The following ASTN2 variants were observed in gnomAD, a reference collection of about 807,000 sequenced individuals.
ASTN2 encodes the protein astrotactin-2.
ASTN2 carries 54 observed loss-of-function variants against 139.8 expected under a neutral mutation model. The ratio of observed to expected loss-of-function variants is 0.39; its 90% CI spans 0.31 to 0.48. The LOEUF is 0.48. Among genes scored for constraint, ASTN2 ranks in the 20% least tolerant of loss-of-function variants. The pLI is 0.95. For synonymous variants in ASTN2, 756 were observed against 719.5 expected (o/e 1.05, Z -0.81); for missense variants, 1,565 against 1,725.1 (o/e 0.91, Z 1.64).
At chr9:117,132,984 T>C (rs1379395912) in intron 4 of ASTN2, among the ~76,000 whole-genome samples, 1 of 152,140 alleles carries the variant, frequency 6.6e-6, no homozygotes. Flanking sequence ...GGATGAATAA[T>C]ATCCCCAGGA....
At chr9:116,771,007 C>T (rs1179520963) in intron 13 of ASTN2, among the ~76,000 whole-genome samples, 1 of 152,220 alleles carries the variant, frequency 6.6e-6, no homozygotes, top group Non-Finnish European at 1.5e-5. Flanking sequence ...AAACCATTTA[C>T]TGTCTTATGT....
chr9:116,626,913 G>T (rs1856495868), intron 17 of ASTN2, among the ~76,000 whole-genome samples: 2 of 152,140 alleles, frequency 1.3e-5, no homozygotes, highest in African/African-American at 4.8e-5. Context: ...ATCTACCTGG[G>T]CCATCTGCCA....
chr9:116,764,326 T>G (rs1181526498), intron 13 of ASTN2, among the ~76,000 whole-genome samples: 1 of 152,190 alleles, frequency 6.6e-6, no homozygotes, highest in Non-Finnish European at 1.5e-5. Context: ...TATCAAGATC[T>G]AAATGTCTTA....
At chr9:116,898,051 T>TA (rs1564329474) in intron 10 of ASTN2, among the ~76,000 whole-genome samples, 1 of 152,050 alleles carries the variant, frequency 6.6e-6, no homozygotes, top group African/African-American at 2.4e-5. Flanking sequence ...TAAGTGAACT[T>TA]AAAAAAAGAG....
intron 19 of ASTN2, among the ~76,000 whole-genome samples, chr9:116,560,974 T>C (rs1356820690): frequency 2.6e-5 from 4 of 152,206 alleles, no homozygotes; most frequent in Non-Finnish European, 5.9e-5. Context: ...ACATGTGTTG[T>C]TATGCTAGGA....
chr9:116,820,795 G>A lies in ASTN2; in HGVS notation c.2041-12C>T. ...AGCTCCTCAGGGCACTGCTCAGAGA[G>A]AGGGCAACAGGGTAGTTATGGCTTG... On this transcript the variant is annotated splice_polypyrimidine_tract_variant and intron_variant, in intron 11 of 22. Coordinates refer to ENST00000313400, the MANE Select transcript of ASTN2 (RefSeq NM_001365068.1). 1 of 1,608,036 alleles carries A rather than the reference G, an allele frequency of 6.2e-7. No homozygotes were observed. Among genetic ancestry groups the A allele is most frequent in the South Asian group, 1.1e-5 (1 of 90,466 alleles).
At chr9:116,429,743 G>C (rs898487653) in intron 22 of ASTN2, among the ~76,000 whole-genome samples, 1 of 152,146 alleles carries the variant, frequency 6.6e-6, no homozygotes, top group Non-Finnish European at 1.5e-5. Context: ...AGTGACAAGA[G>C]ACAGGCAGAC....
intron 13 of ASTN2, among the ~76,000 whole-genome samples, chr9:116,759,619 A>G (rs1336773794): frequency 6.6e-6 from 1 of 152,134 alleles, no homozygotes. Context: ...TACTTCATTC[A>G]TGCCTCTGCT....
Position 117,149,228 on chromosome 9 carries a change from C to T in ASTN2, c.1016-7750G>A, listed in dbSNP as rs548379832. ...AGAGACAGGGTTTCACCATGTTGGC[C>T]GGGCTGGTCTCGAACTCTTGACCTC... On this transcript the variant is annotated intron_variant, in intron 3 of 22. Transcript: ENST00000313400. Among the ~76,000 whole-genome samples, 21 of 152,064 alleles carry T rather than the reference C, an allele frequency of 1.4e-4. No individual in the cohort carries two copies. The South Asian group carries it at 1.7e-3, about 12-fold the overall frequency.
intron 19 of ASTN2, among the ~76,000 whole-genome samples, chr9:116,616,780 GACACAC>G (rs59771463): frequency 6.0e-5 from 9 of 149,578 alleles, no homozygotes; most frequent in Admixed American, 1.3e-4. Context: ...GAAGGACAAA[GACACAC>G]ACACACACAC....
intron 3 of ASTN2, among the ~76,000 whole-genome samples, chr9:117,176,435 C>T (rs139724634): frequency 1.8e-3 from 279 of 152,054 alleles, no homozygotes; most frequent in African/African-American, 6.4e-3. Context: ...GTAAAAAAAT[C>T]CGATGTATAC....
intron 20 of ASTN2, among the ~76,000 whole-genome samples, chr9:116,457,344 T>C (rs908777060): frequency 4.6e-5 from 7 of 151,346 alleles, no homozygotes; most frequent in Non-Finnish European, 1.0e-4. Context: ...AAGAAAAAAA[T>C]GAACAAATGG....
chr9:117,250,597 C>G (rs1254784726), intron 2 of ASTN2, among the ~76,000 whole-genome samples: 1 of 152,168 alleles, frequency 6.6e-6, no homozygotes, highest in African/African-American at 2.4e-5. Context: ...CAATGAAGCA[C>G]CTACTATTAG....
At chr9:116,480,295 G>C (rs1292023070) in intron 20 of ASTN2, among the ~76,000 whole-genome samples, 1 of 152,168 alleles carries the variant, frequency 6.6e-6, no homozygotes, top group Non-Finnish European at 1.5e-5. Context: ...CAGATGTAGA[G>C]ATACAGTACT....
At chr9:117,266,012 G>T (rs914561549) in intron 2 of ASTN2, among the ~76,000 whole-genome samples, 2 of 152,146 alleles carry the variant, frequency 1.3e-5, no homozygotes, top group Admixed American at 1.3e-4. Context: ...TGCTCTAGTG[G>T]TAAAATGAGC....
intron 1 of ASTN2, among the ~76,000 whole-genome samples, chr9:117,309,584 G>C (rs527459606): frequency 1.5e-4 from 23 of 152,276 alleles, no homozygotes; most frequent in African/African-American, 5.3e-4. Context: ...CCAAGTGCTA[G>C]AGATAAAGCA....
intron 19 of ASTN2, among the ~76,000 whole-genome samples, chr9:116,537,893 C>T (rs1851713264): frequency 6.6e-6 from 1 of 152,176 alleles, no homozygotes; most frequent in Non-Finnish European, 1.5e-5. Flanking sequence ...ACAAGGCACT[C>T]TAGTGTGTTC....
At chr9:117,330,597 C>T (rs1056231757) in intron 1 of ASTN2, among the ~76,000 whole-genome samples, 7 of 152,134 alleles carry the variant, frequency 4.6e-5, no homozygotes, top group African/African-American at 7.2e-5. Context: ...TCCTCTTCGC[C>T]TCCTCCCCAC....
At chr9:116,988,973 A>T (rs1203870837) in intron 7 of ASTN2, among the ~76,000 whole-genome samples, 1 of 152,170 alleles carries the variant, frequency 6.6e-6, no homozygotes, top group East Asian at 1.9e-4. Flanking sequence ...CATGAGGATA[A>T]AATATATGCT....
Sources: gnomAD v4.1 joint callset for allele counts (sites outside exome capture counted in the v4.1 genomes callset) on GRCh38, gnomAD v4.1.1 for gene constraint, MANE v1.5 for transcripts, NCBI Gene and HGNC (gene_info 2026-07-23, HGNC 2026-07-21) for gene names.